The following TMEM165 variants were observed in gnomAD, a reference collection of about 807,000 sequenced individuals.
TMEM165 encodes transmembrane protein 165, also known as putative divalent cation/proton antiporter TMEM165.
Under a neutral mutation model 30.0 loss-of-function variants are expected in TMEM165, and 19 were observed. The ratio of observed to expected loss-of-function variants is 0.63; its 90% confidence interval spans 0.44 to 0.93. The LOEUF is 0.93. Among genes scored for constraint, TMEM165 ranks in the 40% least tolerant of loss-of-function variants. The pLI is 0.00. For synonymous variants in TMEM165, 168 were observed against 162.9 expected (o/e 1.03, Z -0.24); for missense variants, 340 against 417.0 (o/e 0.82, Z 1.61).
Position 55,418,071 on chromosome 4 carries a change from G to A in TMEM165, c.792+86G>A, listed in dbSNP as rs1721814534. ...AGAAAACACTGGACACACTGAAGTG[G>A]GCCACAGCATTCCTTCATATGCAAG... is the stretch of plus-strand genomic sequence containing the variant. On this transcript the variant is annotated intron_variant, in intron 4 of 5. Transcript: ENST00000381334. The A allele has an allele frequency of 4.0e-6, 5 of 1,264,558 alleles. No homozygotes were observed. In the Admixed American group the frequency reaches 9.8e-5, roughly 25 times the overall value. 78.3% of individuals were successfully genotyped at this position (1,264,558 alleles called of 1,614,324 possible). A position where few individuals can be genotyped will look rare whatever the true frequency, so the allele number is the denominator to read the frequency against.
intron 3 of TMEM165, chr4:55,442,343 A>G (rs1478267185): frequency 8.6e-7 from 1 of 1,158,070 alleles, no homozygotes; most frequent in Non-Finnish European, 1.3e-6. Flanking sequence ...TTAAAATCAC[A>G]TTAAAAAATT....
At chr4:55,427,171 T>C (rs1722246986), downstream of TMEM165, among the ~76,000 whole-genome samples, 1 of 151,616 alleles carries the variant, frequency 6.6e-6, no homozygotes, top group South Asian at 2.1e-4. Context: ...GTAGCTGGGA[T>C]TACAGGCGTG....
In TMEM165 at chr4:55,396,365, C is replaced by T. The variant is rs748794683; in HGVS notation, c.176C>T (p.Ala59Val). 2.7e-6 allele frequency: 4 copies of T among 1,506,436 alleles called. No individual in the cohort carries two copies. The highest frequency in any genetic ancestry group is 2.1e-5 in the Admixed American group (1 of 46,998). The allele number at this position is 1,506,436 out of a possible 1,614,324, so 93.3% of individuals were successfully genotyped here. A position where few individuals can be genotyped will look rare whatever the true frequency, so the allele number is the denominator to read the frequency against. Reference sequence around the variant, plus strand: ...CAGCAGCTGCAGCCGCAGCCTGTGGCTGTGCAGGGCCCCGAGCCGGCCCGG... The same window carrying T: ...CAGCAGCTGCAGCCGCAGCCTGTGGTTGTGCAGGGCCCCGAGCCGGCCCGG... Reference protein sequence around the residue: ...PAQQLQPQPVAVQGPEPARVE... With the variant: ...PAQQLQPQPVVVQGPEPARVE... Residue 59 changes from alanine to valine, a missense_variant, in exon 1 of 6, where the codon GCT (alanine) becomes GTT (valine). Physicochemically the swap from Ala to Val is moderately conservative, Grantham distance 64 (BLOSUM62 0). Around this residue, in one of 2 missense-constraint regions of TMEM165, gnomAD observed 120 missense variants for 109.4 expected, o/e 1.10. Coordinates refer to ENST00000381334, the MANE Select transcript of TMEM165 (RefSeq NM_018475.5).
chr4:55,440,084 G>A (rs183724329), intron 3 of TMEM165, among the ~76,000 whole-genome samples: 1 of 151,992 alleles, frequency 6.6e-6, no homozygotes. Context: ...AGGGGTGTCA[G>A]ATATATGTGG....
chr4:55,419,854 C>A (rs1721890693), intron 4 of TMEM165, among the ~76,000 whole-genome samples: 1 of 151,556 alleles, frequency 6.6e-6, no homozygotes, highest in South Asian at 2.1e-4. Flanking sequence ...GTCAGGGAAG[C>A]CTCAAAAATG....
At chr4:55,450,096 G>A (rs762379846) in intron 3 of TMEM165, 2 of 1,614,144 alleles carry the variant, frequency 1.2e-6, no homozygotes, top group African/African-American at 2.7e-5. Context: ...CTCACAGGAA[G>A]GGTCTGAGAC....
At chr4:55,405,290 C>G (rs1323369897) in intron 1 of TMEM165, among the ~76,000 whole-genome samples, 1 of 152,080 alleles carries the variant, frequency 6.6e-6, no homozygotes, top group Non-Finnish European at 1.5e-5. Context: ...AGTGTTGTTT[C>G]ATTATAACAT....
At chr4:55,440,262 T>A (rs1183680964) in intron 3 of TMEM165, among the ~76,000 whole-genome samples, 1 of 152,220 alleles carries the variant, frequency 6.6e-6, no homozygotes, top group Admixed American at 6.5e-5. Flanking sequence ...TCCTCTCAAT[T>A]TATAAATTCA....
At chr4:55,439,736 A>C (rs112953418) in intron 3 of TMEM165, among the ~76,000 whole-genome samples, 2,572 of 152,252 alleles carry the variant, frequency 0.017, 73 homozygotes, top group African/African-American at 0.058. Context: ...ACATTATCCT[A>C]AGTAAAATAA....
At chr4:55,423,591 TTTTAA>T (rs1250288763) in intron 4 of TMEM165, 1 of 152,178 alleles carries the variant, frequency 6.6e-6, no homozygotes, top group Non-Finnish European at 1.5e-5. Context: ...CCTGGCTAAT[TTTTAA>T]TTTTTTTGTA....
chr4:55,417,486 T>A (rs1721784072), intron 3 of TMEM165, among the ~76,000 whole-genome samples: 1 of 152,208 alleles, frequency 6.6e-6, no homozygotes, highest in South Asian at 2.1e-4. Context: ...CTTAATTAGG[T>A]TGATTATAAG....
chr4:55,449,641 G>A (rs1724246960), intron 3 of TMEM165: 2 of 688,848 alleles, frequency 2.9e-6, no homozygotes, highest in Non-Finnish European at 2.5e-6. Flanking sequence ...CATGACAGAT[G>A]ATTCAATGTA....
At chr4:55,450,724 C>T (rs1312329440) in intron 3 of TMEM165, among the ~76,000 whole-genome samples, 1 of 151,894 alleles carries the variant, frequency 6.6e-6, no homozygotes, top group African/African-American at 2.4e-5. Context: ...AGCCGAGATC[C>T]TGCCACTGCA....
chr4:55,432,795 AGAT>A (rs1340265862), intron 3 of TMEM165: 2 of 152,194 alleles, frequency 1.3e-5, no homozygotes, highest in African/African-American at 2.4e-5. Context: ...AAGCAGGAAA[AGAT>A]GAGCTGCGAA....
intron 2 of TMEM165, among the ~76,000 whole-genome samples, chr4:55,412,967 T>A (rs112083849): frequency 3.3e-5 from 5 of 151,962 alleles, no homozygotes; most frequent in African/African-American, 9.6e-5. Flanking sequence ...TAGGGCTATT[T>A]TTTATTTATT....
At chr4:55,433,534 C>A (rs1014524737) in intron 3 of TMEM165, 5 of 152,282 alleles carry the variant, frequency 3.3e-5, no homozygotes, top group Admixed American at 2.6e-4. Context: ...TTAGGTTAAT[C>A]TTCATTATTC....
intron 3 of TMEM165, chr4:55,435,384 T>A (rs1209445384): frequency 6.2e-7 from 1 of 1,613,318 alleles, no homozygotes; most frequent in Admixed American, 1.7e-5. Context: ...ATCCCCTTCC[T>A]CCCTTGATGT....
At chr4:55,426,572 G>GAATC (rs1220185994), downstream of TMEM165, among the ~76,000 whole-genome samples, 3 of 152,256 alleles carry the variant, frequency 2.0e-5, no homozygotes, top group East Asian at 5.8e-4. Flanking sequence ...TTATATTCTA[G>GAATC]AATCATATGC....
At chr4:55,451,303 C>T (rs1724426287) in intron 3 of TMEM165, among the ~76,000 whole-genome samples, 1 of 152,170 alleles carries the variant, frequency 6.6e-6, no homozygotes, top group South Asian at 2.1e-4. Flanking sequence ...CTTATTTCAG[C>T]TGAATCTGAT....
Sources: gnomAD v4.1 joint callset for allele counts (sites outside exome capture counted in the v4.1 genomes callset) on GRCh38, gnomAD v4.1.1 for gene constraint, gnomAD v4.1.1 regional missense constraint, MANE v1.5 for transcripts, NCBI Gene and HGNC (gene_info 2026-07-23, HGNC 2026-07-21) for gene names.